The following COL11A1 variants were observed in gnomAD, a reference collection of about 807,000 sequenced individuals.
COL11A1 encodes the protein collagen type XI alpha 1 chain.
In COL11A1, 74 loss-of-function variants were observed where a neutral mutation model predicts 265.2. That is an observed-to-expected ratio of 0.28 (90% confidence interval 0.23 to 0.34). The LOEUF (loss-of-function observed/expected upper bound fraction) is 0.34, where lower values mean the gene tolerates loss of function less well. Ranked by LOEUF, COL11A1 falls within the 10% of genes least tolerant of loss-of-function variation. The pLI is 1.00. For missense variants in COL11A1, 2,165 were observed against 2,263.6 expected (o/e 0.96, Z 0.88); for synonymous variants, 816 against 727.6 (o/e 1.12, Z -1.96).
chr1:102,914,914 A>ATT, intron 50 of COL11A1, 103 bp from the exon 51 acceptor site: 2 of 839,580 alleles, frequency 2.4e-6, no homozygotes, highest in Non-Finnish European at 3.6e-6. Context: ...GCCAGAATAT[A>ATT]TTTTTTTTTT....
chr1:102,890,415 T>A (rs758883161), intron 58 of COL11A1, 36 bp downstream of exon 58: 2 of 1,556,620 alleles, frequency 1.3e-6, no homozygotes, highest in African/African-American at 1.4e-5. Flanking sequence ...TATAAAAGCA[T>A]ATTCTTTTAT....
chr1:103,000,680 G>A (rs539249396), intron 24 of COL11A1, among the ~76,000 whole-genome samples: 4 of 151,916 alleles, frequency 2.6e-5, no homozygotes, highest in South Asian at 2.1e-4. Context: ...TGGTACAATC[G>A]ATATGGAAAA....
At chr1:102,896,616 G>T (rs906002022) in intron 57 of COL11A1, among the ~76,000 whole-genome samples, 1 of 152,116 alleles carries the variant, frequency 6.6e-6, no homozygotes, top group Non-Finnish European at 1.5e-5. Context: ...TTATCATTCC[G>T]CTTTACCTAA....
chr1:102,998,856 A>T (rs1664868314), intron 24 of COL11A1, among the ~76,000 whole-genome samples: 1 of 151,932 alleles, frequency 6.6e-6, no homozygotes, highest in Non-Finnish European at 1.5e-5. Context: ...GAAGGAAAGT[A>T]AATCGATTTT....
chr1:102,901,043 G>A (rs569692390), intron 54 of COL11A1, among the ~76,000 whole-genome samples: 1 of 152,190 alleles, frequency 6.6e-6, no homozygotes, highest in East Asian at 1.9e-4. Context: ...GAGGCAGCCA[G>A]GCACAGCAGT....
intron 57 of COL11A1, among the ~76,000 whole-genome samples, chr1:102,896,452 A>C (rs1652437388): frequency 6.6e-6 from 1 of 152,218 alleles, no homozygotes; most frequent in Non-Finnish European, 1.5e-5. Context: ...TCCTCACCTC[A>C]TGAAGACCAA....
chr1:103,070,793 T>C (rs1050825007), intron 4 of COL11A1, among the ~76,000 whole-genome samples: 1 of 151,940 alleles, frequency 6.6e-6, no homozygotes, highest in African/African-American at 2.4e-5. Flanking sequence ...GGAAAGGTTA[T>C]CTCCATCTTA....
intron 44 of COL11A1, among the ~76,000 whole-genome samples, chr1:102,937,121 T>A (rs1480905593): frequency 6.6e-6 from 1 of 152,150 alleles, no homozygotes. Context: ...TTATTCTTAA[T>A]TATAAATAAA....
intron 4 of COL11A1, among the ~76,000 whole-genome samples, chr1:103,060,049 G>A (rs1670550145): frequency 6.6e-6 from 1 of 151,734 alleles, no homozygotes; most frequent in Admixed American, 6.6e-5. Context: ...AAAAATCTGG[G>A]AATATCATTT....
At chr1:103,099,808 T>C (rs1164299095) in intron 1 of COL11A1, among the ~76,000 whole-genome samples, 5 of 151,892 alleles carry the variant, frequency 3.3e-5, no homozygotes, top group East Asian at 1.9e-4. Context: ...GTTTTCCATA[T>C]GAAAAAGCTA....
At chr1:102,894,974 C>T (rs780872532) in intron 57 of COL11A1, among the ~76,000 whole-genome samples, 11 of 151,972 alleles carry the variant, frequency 7.2e-5, no homozygotes, top group South Asian at 2.1e-4. Flanking sequence ...CAGTTCCATA[C>T]GGTGATCTAA....
chr1:102,907,296 C>T (rs1299380283), intron 54 of COL11A1, among the ~76,000 whole-genome samples: 2 of 151,758 alleles, frequency 1.3e-5, no homozygotes, highest in East Asian at 1.9e-4. Context: ...TAGAACAGTG[C>T]TAAAATTTTT....
chr1:103,034,970 G>A (rs1045367805), intron 4 of COL11A1, among the ~76,000 whole-genome samples: 2 of 152,064 alleles, frequency 1.3e-5, no homozygotes, highest in Admixed American at 6.6e-5. Context: ...TCTCTGGTTA[G>A]GTTAATGATC....
At chr1:103,067,342 A>G (rs182318915) in intron 4 of COL11A1, among the ~76,000 whole-genome samples, 5 of 152,018 alleles carry the variant, frequency 3.3e-5, no homozygotes, top group Non-Finnish European at 4.4e-5. Context: ...AAGCTCTCTA[A>G]GAAAAGCTCA....
chr1:102,995,856 A>T lies in COL11A1; in HGVS notation c.2340+8T>A, dbSNP rs1664577134. 1 of 1,603,044 alleles carries T rather than the reference A, an allele frequency of 6.2e-7. No individual in the cohort carries two copies. Among genetic ancestry groups the T allele is most frequent in the Non-Finnish European group, 8.5e-7 (1 of 1,172,160 alleles). ...GAAATTAATACCATCTAAACAATTAAATTTTACCTTTTCACCTTTAGATCC... is the reference window on the plus strand; with the variant it reads ...GAAATTAATACCATCTAAACAATTATATTTTACCTTTTCACCTTTAGATCC... On this transcript the variant is annotated splice_region_variant and intron_variant, in intron 28 of 66. Transcript: ENST00000370096.
At chr1:103,012,237 A>T (rs1378876847) in intron 14 of COL11A1, among the ~76,000 whole-genome samples, 176 bp downstream of exon 14, 1 of 152,054 alleles carries the variant, frequency 6.6e-6, no homozygotes, top group Non-Finnish European at 1.5e-5. Flanking sequence ...AGACCTTTTG[A>T]TCAAAATGTA....
chr1:102,959,425 A>ATCT (rs35006483), intron 41 of COL11A1, among the ~76,000 whole-genome samples: 143,238 of 152,076 alleles, frequency 0.94, 67,606 homozygotes, highest in East Asian at 1. Flanking sequence ...CGATTTTGTA[A>ATCT]TCTGCACTCT....
chr1:102,914,520 T>C (rs1190318592), intron 51 of COL11A1, 115 bp from the exon 52 acceptor site: 3 of 1,122,196 alleles, frequency 2.7e-6, no homozygotes, highest in Non-Finnish European at 3.9e-6. Context: ...AGAATATTTC[T>C]CTTCTCCCGC....
chr1:103,002,919 G>T, intron 21 of COL11A1, 128 bp from the exon 22 acceptor site: 1 of 939,634 alleles, frequency 1.1e-6, no homozygotes, highest in East Asian at 2.5e-5. Flanking sequence ...AGGATTTAAT[G>T]GAAACGAAGA....
Sources: allele counts gnomAD v4.1 joint callset (sites outside exome capture counted in the v4.1 genomes callset), GRCh38; gene constraint gnomAD v4.1.1; transcripts MANE v1.5; gene names NCBI Gene and HGNC (gene_info 2026-07-23, HGNC 2026-07-21).